Variants in RNF213 observed in about 807,000 individuals in gnomAD.
The protein encoded by RNF213 is E3 ubiquitin-protein ligase RNF213.
RNF213 carries 341 observed loss-of-function variants against 514.4 expected under a neutral mutation model. The ratio of observed to expected loss-of-function variants is 0.66; its 90% CI spans 0.61 to 0.73. The LOEUF (loss-of-function observed/expected upper bound fraction) is 0.73. Ranked by LOEUF, RNF213 falls within the 30% of genes least tolerant of loss-of-function variation. The pLI, the probability that RNF213 is intolerant of heterozygous loss-of-function variation, is 0.00. For synonymous variants in RNF213, 2,655 were observed against 2,658.2 expected (o/e 1.00, Z 0.04); for missense variants, 5,767 against 6,615.6 (o/e 0.87, Z 4.45).
At chr17:80,315,829 ATGGTGATGGTGG>A (rs2045919491) in intron 15 of RNF213, 3 of 19,536 alleles carry the variant, frequency 1.5e-4, no homozygotes, top group Admixed American at 4.6e-4. Context: ...GGTGGTGGTG[ATGGTGATGGTGG>A]TGGTGGTGGT....
At chr17:80,331,948 A>C in intron 20 of RNF213, 58 bp from the exon 21 acceptor site, 1 of 1,496,540 alleles carries the variant, frequency 6.7e-7, no homozygotes, top group Non-Finnish European at 8.9e-7. Context: ...GGAAAGTGAA[A>C]TAAAATGGAA....
intron 3 of RNF213, among the ~76,000 whole-genome samples, chr17:80,285,262 G>A (rs1009749964): frequency 2.6e-5 from 4 of 152,180 alleles, no homozygotes; most frequent in African/African-American, 4.8e-5. Context: ...TGAGGCCCAC[G>A]GTGGCTCAGT....
In RNF213 at chr17:80,263,723, C is replaced by G. The variant is rs994756073; in HGVS notation, c.42C>G (p.Thr14=). ...PSCQHVSKEE[T]PKFCSQCGER... The stretch of plus-strand genomic sequence containing the variant: ...GCCAGCATGTCTCCAAGGAGGAAAC[C>G]CCCAAGTTCTGCAGCCAGTGCGGAG... Residue 14 remains threonine, a synonymous_variant, in exon 2 of 68, where the codon ACC becomes ACG. Coordinates refer to ENST00000582970, the MANE Select transcript of RNF213 (RefSeq NM_001256071.3). The surrounding 1 kb of genome is among the most constrained non-coding windows in gnomAD (Gnocchi z 4.9). 3 of 1,614,038 alleles carry G rather than the reference C, an allele frequency of 1.9e-6. No individual in the cohort carries two copies. The African/African-American group carries it at 4.0e-5, about 22-fold the overall frequency.
At position 80,373,158 on chromosome 17, in the gene RNF213, A is replaced by G; in HGVS notation, c.12935A>G (p.Lys4312Arg). Reference sequence around the variant, plus strand: ...TGGGTGTTTCCCAAGGACGTTGTCAAGCAGCAGGTGAGAAGCGGGGCCGGG... The same window carrying G: ...TGGGTGTTTCCCAAGGACGTTGTCAGGCAGCAGGTGAGAAGCGGGGCCGGG... Reference protein sequence around the residue: ...HQWVFPKDVVKQQGLRQDHPG... With the variant: ...HQWVFPKDVVRQQGLRQDHPG... The change falls in exon 49 of 68, where the codon AAG (lysine) becomes AGG (arginine). Residue 4312 changes from lysine (K) to arginine (R), a missense_variant. This residue lies in a region of RNF213 where 1,245 missense variants were observed against 1,339.0 expected (regional missense o/e 0.93). Coordinates refer to ENST00000582970, the MANE Select transcript of RNF213 (RefSeq NM_001256071.3). 1 of 1,610,486 alleles carries G rather than the reference A, an allele frequency of 6.2e-7. No homozygotes were observed. Among genetic ancestry groups the G allele is most frequent in the Non-Finnish European group, 8.5e-7 (1 of 1,179,920 alleles).
At chr17:80,296,921 C>T (rs552339692) in intron 10 of RNF213, among the ~76,000 whole-genome samples, 28 of 151,816 alleles carry the variant, frequency 1.8e-4, no homozygotes, top group African/African-American at 3.6e-4. Context: ...CCTTGTGATC[C>T]GCCTGCCTCG....
Position 80,377,717 on chromosome 17 carries a change from T to C in RNF213, c.13511-45T>C. 6.2e-7 allele frequency: 1 copy of C among 1,611,342 alleles called. No homozygotes were observed. Among genetic ancestry groups the C allele is most frequent in the East Asian group, 2.2e-5 (1 of 44,874 alleles). On this transcript the variant is annotated intron_variant, in intron 53 of 67. Transcript: ENST00000582970. This position sits in a 1 kb window ranked among gnomAD's most constrained non-coding sequence, Gnocchi z 4.1. Reference sequence around the variant, plus strand: ...GCTTTCCCTTTTCAATGTGGGTCATTGGGTGAAACCTCATTAGCCAATGTG... The same window carrying C: ...GCTTTCCCTTTTCAATGTGGGTCATCGGGTGAAACCTCATTAGCCAATGTG...
chr17:80,358,483 A>AGT lies in RNF213; in HGVS notation c.11054+6_11054+7dup, dbSNP rs1568128118. 1 of 1,612,166 alleles carries AGT rather than the reference A, an allele frequency of 6.2e-7. No individual in the cohort carries two copies. Among genetic ancestry groups the AGT allele is most frequent in the Admixed American group, 1.7e-5 (1 of 60,016 alleles). ...CTCTTGTGATGAATAATGAAAGGTG[A>AGT]GTGGAAGGCTTTCTTTCCCTGGGGA... On this transcript the variant is annotated splice_donor_region_variant and intron_variant, in intron 37 of 67. Transcript: ENST00000582970.
At chr17:80,374,320 TCAGGC>T in intron 49 of RNF213, 133 bp from the exon 50 acceptor site, 1 of 1,107,104 alleles carries the variant, frequency 9.0e-7, no homozygotes, top group Middle Eastern at 2.9e-4. Context: ...CTGTCCTGCC[TCAGGC>T]CAGGTCAGGG....
chr17:80,393,587 C>G lies in RNF213; in HGVS notation c.*89C>G. 1 of 1,421,988 alleles carries G rather than the reference C, an allele frequency of 7.0e-7. No individual in the cohort carries two copies. Among genetic ancestry groups the G allele is most frequent in the Non-Finnish European group, 9.8e-7 (1 of 1,020,058 alleles). 88.1% of individuals were successfully genotyped at this position (1,421,988 alleles called of 1,614,324 possible). ...CGTGGACTTGATCATGGACTGGTGC[C>G]TTTGCATTCAGAAGGAGAGCTGTCA... On this transcript the variant is annotated 3_prime_UTR_variant, in exon 68 of 68. Transcript: ENST00000582970.
At chr17:80,276,781 G>C (rs565753556) in intron 3 of RNF213, among the ~76,000 whole-genome samples, 1 of 152,134 alleles carries the variant, frequency 6.6e-6, no homozygotes, top group African/African-American at 2.4e-5. Flanking sequence ...GGCCGGGCGC[G>C]GTGGCTCACA....
rs193069321 is a variant in RNF213, at chr17:80,395,694, G to A, written c.*2196G>A. 12 of 152,356 alleles carry A rather than the reference G, an allele frequency of 7.9e-5. No individual in the cohort carries two copies. The South Asian group carries it at 1.7e-3, about 21-fold the overall frequency. The allele number at this position is 152,356 out of a possible 1,614,324, so 9.4% of individuals were successfully genotyped here. ...TAACTTCACCCCTGAGTCCACTTGC[G>A]GGGTAAGAGATAAACAGTAACCCTT... On this transcript the variant is annotated 3_prime_UTR_variant, in exon 68 of 68. Coordinates refer to ENST00000582970, the MANE Select transcript of RNF213 (RefSeq NM_001256071.3).
In RNF213 at chr17:80,328,341, T is replaced by G. The variant is rs1327512526; in HGVS notation, c.3381T>G (p.Leu1127=). ...LDIWQLREKS[L]SPQDEQCAVE... ...CTTATTTTCCAGGGGAAAAAAGTCT[T>G]TCACCCCAGGATGAACAATGTGCTG... Residue 1127 remains leucine, a synonymous_variant, in exon 20 of 68, where the codon CTT becomes CTG. Transcript: ENST00000582970. The G allele has an allele frequency of 1.3e-6, 2 of 1,535,606 alleles. No individual in the cohort carries two copies. Among genetic ancestry groups the G allele is most frequent in the African/African-American group, 1.4e-5 (1 of 72,938 alleles).
At chr17:80,312,298 G>A (rs576756131) in intron 14 of RNF213, among the ~76,000 whole-genome samples, 1 of 152,312 alleles carries the variant, frequency 6.6e-6, no homozygotes, top group South Asian at 2.1e-4. Context: ...GAGGAAGGCA[G>A]GGGAGAGAAG....
chr17:80,270,865 G>C (rs1422316569), intron 2 of RNF213, among the ~76,000 whole-genome samples: 1 of 152,172 alleles, frequency 6.6e-6, no homozygotes, highest in Admixed American at 6.5e-5. Context: ...GATCCTGACA[G>C]CTCTGCCCTT....
At chr17:80,367,188 A>T (rs1321033893) in intron 42 of RNF213, among the ~76,000 whole-genome samples, 4 of 152,218 alleles carry the variant, frequency 2.6e-5, no homozygotes, top group Admixed American at 2.6e-4. Context: ...GTTTTAAAAC[A>T]TTCAAAATAA....
intron 55 of RNF213, 108 bp from the exon 56 acceptor site, chr17:80,380,723 C>G (rs1240049825): frequency 7.7e-7 from 1 of 1,294,706 alleles, no homozygotes; most frequent in African/African-American, 1.5e-5. Context: ...AAGTACTCTT[C>G]ACATAACTCT....
In RNF213 at chr17:80,337,975, C is replaced by A; in HGVS notation, c.4811C>A (p.Thr1604Lys). 6.5e-7 allele frequency: 1 copy of A among 1,537,260 alleles called. No homozygotes were observed. Among genetic ancestry groups the A allele is most frequent in the Non-Finnish European group, 8.7e-7 (1 of 1,146,908 alleles). Residue 1604 changes from threonine (T) to lysine (K), a missense_variant, in exon 25 of 68, where the codon ACG (threonine) becomes AAG (lysine). Coordinates refer to ENST00000582970, the MANE Select transcript of RNF213 (RefSeq NM_001256071.3). ...TCTGGCAAGAAGGATCGTAACAACA[C>A]GGAAGTGGAGAGGTTTTCAGAGGTG... Reference protein sequence around the residue: ...LMSGKKDRNNTEVERFSEVFC... With the variant: ...LMSGKKDRNNKEVERFSEVFC...
intron 14 of RNF213, among the ~76,000 whole-genome samples, chr17:80,312,379 G>C (rs892181869): frequency 1.3e-5 from 2 of 152,130 alleles, no homozygotes; most frequent in African/African-American, 4.8e-5. Context: ...GTCCGGCACG[G>C]AGGCGGGGGG....
Position 80,385,408 on chromosome 17 carries a change from GC to G in RNF213, c.14456-129del, listed in dbSNP as rs1207671378. ...CAAACTCGGCTCACTCCTTCAAACA[GC>G]ACCTCAGACATGCTTGTGACTGCAC... On this transcript the variant is annotated intron_variant, in intron 60 of 67. Transcript: ENST00000582970. The G allele has an allele frequency of 7.6e-6, 7 of 915,696 alleles. No homozygotes were observed. The African/African-American group carries it at 1.1e-4, about 15-fold the overall frequency. The allele number at this position is 915,696 out of a possible 1,614,324, so 56.7% of individuals were successfully genotyped here.
Sources: allele counts gnomAD v4.1 joint callset (sites outside exome capture counted in the v4.1 genomes callset), GRCh38; gene constraint gnomAD v4.1.1; regional missense constraint gnomAD v4.1.1; non-coding constraint Gnocchi (gnomAD v3.1); transcripts MANE v1.5; gene names NCBI Gene and HGNC (gene_info 2026-07-23, HGNC 2026-07-21).